SENP2: variants seen among roughly 807,000 people sequenced by gnomAD.
The protein encoded by SENP2 is sentrin-specific protease 2.
SENP2 carries 16 observed loss-of-function variants against 86.3 expected under a neutral mutation model. The ratio of observed to expected loss-of-function variants is 0.19; its 90% CI spans 0.13 to 0.28. The LOEUF (loss-of-function observed/expected upper bound fraction) is 0.28. SENP2 is among the 10% of genes least tolerant of loss of function. The probability of loss-of-function intolerance (pLI) is 1.00; values close to 1 mark genes in which losing one functional copy is unlikely to be tolerated. For synonymous variants in SENP2, 222 were observed against 238.7 expected, an observed-to-expected ratio of 0.93 and a Z score of 0.64; for missense variants, 552 against 703.0, an observed-to-expected ratio of 0.79 and a Z score of 2.43.
chr3:185,606,394 C>A lies in SENP2; in HGVS notation c.514C>A (p.Pro172Thr). 6.2e-7 allele frequency: 1 copy of A among 1,613,520 alleles called. No individual in the cohort carries two copies. Among genetic ancestry groups the A allele is most frequent in the South Asian group, 1.1e-5 (1 of 91,032 alleles). Residue 172 changes from proline (P) to threonine (T), a missense_variant, in exon 6 of 17, where the codon CCA (proline) becomes ACA (threonine). Physicochemically the swap from Pro to Thr is conservative, Grantham distance 38. This residue lies in a region of SENP2 where 383 missense variants were observed against 427.3 expected (regional missense o/e 0.90). Transcript: ENST00000296257. ...PGGRRHSKGN[P>T]ESSLMWKPQE... ...TGGCCGTCGCCATAGCAAAGGTAATCCAGAGAGTTCTTTAATGTGGAAACC... is the reference window on the plus strand; with the variant it reads ...TGGCCGTCGCCATAGCAAAGGTAATACAGAGAGTTCTTTAATGTGGAAACC...
Position 185,617,631 on chromosome 3 carries a change from C to G in SENP2, c.1242+20C>G. On this transcript the variant is annotated intron_variant, in intron 12 of 16. Coordinates refer to ENST00000296257, the MANE Select transcript of SENP2 (RefSeq NM_021627.3). ...GATGAAGTAAGTTGTATTCCCTCCC[C>G]CTTTTGGCTATCATTAAGTTTATTT... The G allele has an allele frequency of 1.2e-6, 2 of 1,606,290 alleles. No homozygotes were observed. Among genetic ancestry groups the G allele is most frequent in the Non-Finnish European group, 1.7e-6 (2 of 1,175,408 alleles).
At chr3:185,629,335 G>C (rs1389034498) in intron 16 of SENP2, among the ~76,000 whole-genome samples, 1 of 152,122 alleles carries the variant, frequency 6.6e-6, no homozygotes, top group African/African-American at 2.4e-5. Flanking sequence ...TCAGCACTTT[G>C]GGATGCTGAG....
chr3:185,598,885 A>C, intron 3 of SENP2, 73 bp from the exon 4 acceptor site: 1 of 1,212,528 alleles, frequency 8.2e-7, no homozygotes, highest in Non-Finnish European at 1.2e-6. Context: ...AGAAAAAGTT[A>C]TCTTTTCATA....
intron 7 of SENP2, among the ~76,000 whole-genome samples, chr3:185,609,616 G>A (rs1361889309): frequency 6.6e-6 from 1 of 152,028 alleles, no homozygotes; most frequent in Non-Finnish European, 1.5e-5. Context: ...ACTGGTTGAA[G>A]TAGGGCTCCC....
Position 185,614,590 on chromosome 3 carries a change from C to A in SENP2, c.960C>A (p.Asp320Glu). The change falls in exon 11 of 17, where the codon GAC (aspartate) becomes GAA (glutamate). Residue 320 changes from aspartate to glutamate, a missense_variant. By Grantham distance (45) the Asp-to-Glu change is conservative (BLOSUM62 2). Transcript: ENST00000296257. ...GGAGGGGATACCAACTGGAGCCTGACCTATCAGAAGAAGTGTCGGCCCGAC... is the reference window on the plus strand; with the variant it reads ...GGAGGGGATACCAACTGGAGCCTGAACTATCAGAAGAAGTGTCGGCCCGAC... Reference protein sequence around the residue: ...ESRRGYQLEPDLSEEVSARLR... With the variant: ...ESRRGYQLEPELSEEVSARLR... 6.2e-7 allele frequency: 1 copy of A among 1,613,832 alleles called. No homozygotes were observed. Among genetic ancestry groups the A allele is most frequent in the South Asian group, 1.1e-5 (1 of 91,046 alleles).
At chr3:185,613,921 C>A (rs981501056) in intron 10 of SENP2, among the ~76,000 whole-genome samples, 1 of 151,672 alleles carries the variant, frequency 6.6e-6, no homozygotes, top group Non-Finnish European at 1.5e-5. Flanking sequence ...TGTACAGTAG[C>A]CACCTTTGTT....
chr3:185,617,373 A>G (rs1027038646), intron 11 of SENP2, 107 bp from the exon 12 acceptor site: 38 of 768,264 alleles, frequency 4.9e-5, no homozygotes, highest in Non-Finnish European at 7.5e-5. Context: ...TTTTCTCAAG[A>G]GTCAGGTGTT....
chr3:185,594,176 AACAC>A (rs1161940795), intron 2 of SENP2, among the ~76,000 whole-genome samples: 1 of 151,292 alleles, frequency 6.6e-6, no homozygotes, highest in Non-Finnish European at 1.5e-5. Context: ...AAAAAAAAAA[AACAC>A]ACACAAACGT....
At chr3:185,592,619 CTTTT>C (rs34907174) in intron 2 of SENP2, among the ~76,000 whole-genome samples, 2 of 142,296 alleles carry the variant, frequency 1.4e-5, no homozygotes, top group Non-Finnish European at 3.1e-5. Context: ...ACAGGGTCTC[CTTTT>C]TTTTTTTTTT....
At chr3:185,629,437 G>A (rs1189811502) in intron 16 of SENP2, among the ~76,000 whole-genome samples, 2 of 152,132 alleles carry the variant, frequency 1.3e-5, no homozygotes, top group African/African-American at 4.8e-5. Context: ...AATAAGCCGG[G>A]TGTGCTGGCA....
At chr3:185,595,887 A>G (rs1035890016) in intron 2 of SENP2, among the ~76,000 whole-genome samples, 3 of 144,972 alleles carry the variant, frequency 2.1e-5, no homozygotes, top group African/African-American at 5.2e-5. Context: ...TGCAACCTCT[A>G]CCTCCCGGGT....
chr3:185,590,485 T>C (rs1577715177), intron 2 of SENP2, among the ~76,000 whole-genome samples: 1 of 150,766 alleles, frequency 6.6e-6, no homozygotes, highest in Non-Finnish European at 1.5e-5. Context: ...GAGGTGGAGG[T>C]TGCTGTGAGC....
rs1302627274 is a variant in SENP2 at position 185,632,213 on chromosome 3, G to GTTTTTTTTTTGT, written c.*2380_*2391dup. 6 of 125,326 alleles carry GTTTTTTTTTTGT rather than the reference G, an allele frequency of 4.8e-5. No individual in the cohort carries two copies. The highest frequency in any genetic ancestry group is 2.3e-4 in the East Asian group (1 of 4,278). The allele number at this position is 125,326 out of a possible 1,614,324, so 7.8% of individuals were successfully genotyped here. On this transcript the variant is annotated 3_prime_UTR_variant, in exon 17 of 17. Coordinates refer to ENST00000296257, the MANE Select transcript of SENP2 (RefSeq NM_021627.3). ...CAAATTATCACCATTAAAGCCAGTG[G>GTTTTTTTTTTGT]TTTTTTTTTTGTTTTTTTTTTTTGT... is the stretch of plus-strand genomic sequence containing the variant.
At chr3:185,599,136 A>C in intron 4 of SENP2, 112 bp downstream of exon 4, 2 of 741,946 alleles carry the variant, frequency 2.7e-6, no homozygotes, top group Non-Finnish European at 4.6e-6. Context: ...TGAGAAAGAC[A>C]TTCTTTCTAC....
chr3:185,616,582 T>C (rs915246489), intron 11 of SENP2, among the ~76,000 whole-genome samples: 1 of 151,748 alleles, frequency 6.6e-6, no homozygotes, highest in African/African-American at 2.4e-5. Context: ...GAGACCATCC[T>C]GGCTAACACA....
intron 2 of SENP2, among the ~76,000 whole-genome samples, chr3:185,592,007 A>ATATTTTTTTTTT: frequency 2.8e-5 from 1 of 35,116 alleles, no homozygotes; most frequent in East Asian, 8.4e-4. Flanking sequence ...AACCGGTAAT[A>ATATTTTTTTTTT]TTTCTTTTTT....
Position 185,586,623 on chromosome 3 carries a change from C to T in SENP2, c.101+109C>T, listed in dbSNP as rs1721791857. ...GCCAGGCTCACCCGAAACAGGTCGCCGGGATCCTAGTGACGTAGTCGCTCC... is the reference window on the plus strand; with the variant it reads ...GCCAGGCTCACCCGAAACAGGTCGCTGGGATCCTAGTGACGTAGTCGCTCC... On this transcript the variant is annotated intron_variant, in intron 1 of 16. Transcript: ENST00000296257. The surrounding 1 kb of genome is among the most constrained non-coding windows in gnomAD (Gnocchi z 4.3). 1.9e-6 allele frequency: 2 copies of T among 1,038,286 alleles called. No individual in the cohort carries two copies. The highest frequency in any genetic ancestry group is 1.6e-5 in the African/African-American group (1 of 63,466). 64.3% of individuals were successfully genotyped at this position (1,038,286 alleles called of 1,614,324 possible).
In SENP2 at chr3:185,614,651, A is replaced by G. The variant is rs142010575; in HGVS notation, c.1021A>G (p.Arg341Gly). The G allele has an allele frequency of 3.4e-5, 55 of 1,614,254 alleles. No homozygotes were observed. The African/African-American group carries it at 5.7e-4, about 17-fold the overall frequency. Residue 341 changes from arginine to glycine, a missense_variant, in exon 11 of 17, where the codon AGG (arginine) becomes GGG (glycine). By Grantham distance (125) the Arg-to-Gly change is moderately radical (BLOSUM62 -2). Coordinates refer to ENST00000296257, the MANE Select transcript of SENP2 (RefSeq NM_021627.3). ...LGSGSNGLLRRKVSIIETKEK... is the reference protein window; with the variant it reads ...LGSGSNGLLRGKVSIIETKEK... ...CAGTGGAAGCAATGGCTTACTCAGG[A>G]GGAAAGTGTCAATAATTGAGACAAA...
chr3:185,629,469 G>A (rs1276810337), intron 16 of SENP2, among the ~76,000 whole-genome samples: 1 of 151,894 alleles, frequency 6.6e-6, no homozygotes, highest in East Asian at 1.9e-4. Flanking sequence ...TCCCAGCTAC[G>A]CTGGAGACTG....
Sources: allele counts gnomAD v4.1 joint callset (sites outside exome capture counted in the v4.1 genomes callset), GRCh38; gene constraint gnomAD v4.1.1; regional missense constraint gnomAD v4.1.1; non-coding constraint Gnocchi (gnomAD v3.1); transcripts MANE v1.5; gene names NCBI Gene and HGNC (gene_info 2026-07-23, HGNC 2026-07-21).